Variants in ZIM2 observed in about 807,000 individuals in gnomAD.
The protein encoded by ZIM2 is zinc finger protein 656.
A neutral mutation model predicts 38.6 loss-of-function variants in ZIM2; 14 were observed. The ratio of observed to expected loss-of-function variants is 0.36; its 90% CI spans 0.24 to 0.57. The LOEUF is 0.57. ZIM2 is among the 20% of genes least tolerant of loss of function. The pLI, the probability that ZIM2 is intolerant of heterozygous loss-of-function variation, is 0.81. For missense variants in ZIM2, 680 were observed against 695.1 expected (o/e 0.98, Z 0.24); for synonymous variants, 247 against 245.8 (o/e 1.00, Z -0.04).
Position 56,775,502 on chromosome 19 carries a change from G to A in ZIM2, c.863C>T (p.Pro288Leu). 2 of 1,612,570 alleles carry A rather than the reference G, an allele frequency of 1.2e-6. No homozygotes were observed. Among genetic ancestry groups the A allele is most frequent in the Non-Finnish European group, 1.7e-6 (2 of 1,179,484 alleles). Residue 288 changes from proline (P) to leucine (L), a missense_variant, in exon 13 of 13, where the codon CCA (proline) becomes CTA (leucine). Coordinates refer to ENST00000629319, the MANE Select transcript of ZIM2 (RefSeq NM_001387356.1). ...AAGTTTCTCTTGGTTGCCCTGGTGT[G>A]GTTCCAATGGATCATCATGAGACTC... is the stretch of plus-strand genomic sequence containing the variant. ...QGESHDDPLEPHQGNQEKLLT... is the reference protein window; with the variant it reads ...QGESHDDPLELHQGNQEKLLT...
chr19:56,835,741 T>C (rs1246535612), intron 2 of ZIM2, among the ~76,000 whole-genome samples: 2 of 152,236 alleles, frequency 1.3e-5, no homozygotes, highest in East Asian at 3.8e-4. Context: ...GAATCTCTCA[T>C]GCTTCTTTAA....
At chr19:56,782,171 T>G in intron 10 of ZIM2, 50 bp from the exon 11 acceptor site, 1 of 1,588,902 alleles carries the variant, frequency 6.3e-7, no homozygotes, top group Non-Finnish European at 8.6e-7. Flanking sequence ...CTGAACATGA[T>G]GCAGGCATTC....
chr19:56,810,163 C>T lies in ZIM2; in HGVS notation c.490+7583G>A, dbSNP rs2048019651. ...CATATTAACAAACCAAAAACCTGTG[C>T]ACAGAAACAAGATGAAGAAAATATA... On this transcript the variant is annotated intron_variant, in intron 9 of 12. Coordinates refer to ENST00000629319, the MANE Select transcript of ZIM2 (RefSeq NM_001387356.1). 3 of 980,118 alleles carry T rather than the reference C, an allele frequency of 3.1e-6. No individual in the cohort carries two copies. In the South Asian group the frequency reaches 1.4e-4, roughly 46 times the overall value. 60.7% of individuals were successfully genotyped at this position (980,118 alleles called of 1,614,324 possible). A position where few individuals can be genotyped will look rare whatever the true frequency, so the allele number is the denominator to read the frequency against.
In ZIM2 at chr19:56,775,416, C is replaced by T. The variant is rs758119636; in HGVS notation, c.949G>A (p.Asp317Asn). 3.9e-5 allele frequency: 63 copies of T among 1,614,046 alleles called. No homozygotes were observed. The highest frequency in any genetic ancestry group is 5.3e-5 in the Non-Finnish European group (62 of 1,180,040). The change falls in exon 13 of 13, where the codon GAT becomes AAT. Residue 317 changes from aspartate (D) to asparagine (N), a missense_variant. By Grantham distance (23) the Asp-to-Asn change is conservative. Coordinates refer to ENST00000629319, the MANE Select transcript of ZIM2 (RefSeq NM_001387356.1). ...AGATTAGAGCTTCTCTCAAATTCAT[C>T]ACTGCCATAGCTTCTTTCCGGAGTG... ...TLTPERSYGS[D>N]EFERSSNLSK...
intron 4 of ZIM2, 152 bp downstream of exon 4, chr19:56,824,110 C>A: frequency 1.5e-6 from 2 of 1,329,644 alleles, no homozygotes; most frequent in South Asian, 3.1e-5. Flanking sequence ...AATCATGATG[C>A]AGCTCAATAT....
intron 9 of ZIM2, chr19:56,815,240 T>C: frequency 6.2e-7 from 1 of 1,614,212 alleles, no homozygotes; most frequent in African/African-American, 1.3e-5. Context: ...TCCCCATCAG[T>C]ATTCTCGCCT....
intron 11 of ZIM2, among the ~76,000 whole-genome samples, 165 bp downstream of exon 11, chr19:56,781,788 A>G (rs972760753): frequency 1.3e-5 from 2 of 152,224 alleles, no homozygotes; most frequent in African/African-American, 4.8e-5. Flanking sequence ...TAGCTATGTT[A>G]TAATTAACAG....
chr19:56,792,859 G>A lies in ZIM2; in HGVS notation c.491-2908C>T, dbSNP rs1600759993. ...ACCAAATTTCTTTCATCTCACATGAGATTAGGCAGATCAGACTGAATGTAT... is the reference window on the plus strand; with the variant it reads ...ACCAAATTTCTTTCATCTCACATGAAATTAGGCAGATCAGACTGAATGTAT... On this transcript the variant is annotated intron_variant, in intron 9 of 12. Transcript: ENST00000629319. 2.6e-5 allele frequency among the ~76,000 whole-genome samples: 4 copies of A among 152,160 alleles called. No individual in the cohort carries two copies. In the South Asian group the frequency reaches 8.3e-4, roughly 31 times the overall value.
intron 2 of ZIM2, chr19:56,833,522 C>A: frequency 3.9e-6 from 1 of 257,056 alleles, no homozygotes; most frequent in South Asian, 4.6e-5. Flanking sequence ...CACTCAGTGT[C>A]CCTTCATCCA....
chr19:56,791,145 T>C (rs2046910556), intron 9 of ZIM2: 1 of 152,204 alleles, frequency 6.6e-6, no homozygotes, highest in South Asian at 2.1e-4. Context: ...ACATCCACTA[T>C]ATCCATATGA....
intron 2 of ZIM2, among the ~76,000 whole-genome samples, 197 bp downstream of exon 2, chr19:56,835,821 A>C (rs1049172204): frequency 1.3e-5 from 2 of 152,228 alleles, no homozygotes; most frequent in African/African-American, 4.8e-5. Flanking sequence ...GAGGATACTG[A>C]AATGGATGGT....
rs373077661 is a variant in ZIM2 at position 56,824,280 on chromosome 19, C to G, written c.-3G>C. ...CTCTCACCTTCTGGTTGGTACATCT[C>G]CTTGTAATTCTCCAGCAGAGTGACG... is the stretch of plus-strand genomic sequence containing the variant. On this transcript the variant is annotated 5_prime_UTR_variant, in exon 4 of 13. Coordinates refer to ENST00000629319, the MANE Select transcript of ZIM2 (RefSeq NM_001387356.1). 3 of 1,613,506 alleles carry G rather than the reference C, an allele frequency of 1.9e-6. No individual in the cohort carries two copies. Among genetic ancestry groups the G allele is most frequent in the African/African-American group, 1.3e-5 (1 of 74,616 alleles).
chr19:56,787,714 T>G (rs1052197401), intron 10 of ZIM2, among the ~76,000 whole-genome samples: 1 of 148,582 alleles, frequency 6.7e-6, no homozygotes, highest in African/African-American at 2.5e-5. Context: ...TCCTGGGTTT[T>G]TTTTTTTTTT....
intron 9 of ZIM2, chr19:56,791,417 TTTTAAAAA>T (rs2046924618): frequency 6.6e-6 from 1 of 152,216 alleles, no homozygotes; most frequent in Non-Finnish European, 1.5e-5. Flanking sequence ...ACTATTAGCA[TTTTAAAAA>T]TTCTTTTAAG....
intron 9 of ZIM2, among the ~76,000 whole-genome samples, chr19:56,809,633 G>T (rs577265090): frequency 6.6e-6 from 1 of 152,314 alleles, no homozygotes; most frequent in African/African-American, 2.4e-5. Context: ...GGGAAAAACA[G>T]TACAGAGATG....
intron 9 of ZIM2, among the ~76,000 whole-genome samples, chr19:56,797,175 G>C (rs2047274379): frequency 6.6e-6 from 1 of 152,124 alleles, no homozygotes; most frequent in African/African-American, 2.4e-5. Context: ...AAATAGCTGG[G>C]TGTGGTGGTG....
At chr19:56,808,302 A>C (rs1392371515) in intron 9 of ZIM2, among the ~76,000 whole-genome samples, 1 of 152,186 alleles carries the variant, frequency 6.6e-6, no homozygotes. Flanking sequence ...TGCAATTATC[A>C]CGGGGAACCT....
chr19:56,798,120 C>T (rs907744442), intron 9 of ZIM2: 2 of 152,138 alleles, frequency 1.3e-5, no homozygotes, highest in African/African-American at 4.8e-5. Context: ...TTTTTACAAT[C>T]AAAACTGCCA....
At chr19:56,781,910 C>T in intron 11 of ZIM2, 43 bp downstream of exon 11, 1 of 1,598,524 alleles carries the variant, frequency 6.3e-7, no homozygotes, top group Non-Finnish European at 8.5e-7. Flanking sequence ...GAGCTACTGC[C>T]CTAGTGGGAA....
Sources: gnomAD v4.1 joint callset for allele counts (sites outside exome capture counted in the v4.1 genomes callset) on GRCh38, gnomAD v4.1.1 for gene constraint, MANE v1.5 for transcripts, NCBI Gene and HGNC (gene_info 2026-07-23, HGNC 2026-07-21) for gene names.